The following CNNM2 variants were observed in gnomAD, a reference collection of about 807,000 sequenced individuals.
CNNM2 encodes cyclin and CBS domain divalent metal cation transport mediator 2, also known as metal transporter CNNM2.
Under a neutral mutation model 66.9 loss-of-function variants are expected in CNNM2, and 12 were observed. That is an observed-to-expected ratio of 0.18 (90% CI 0.11 to 0.29). The LOEUF is 0.29. Ranked by LOEUF, CNNM2 falls within the 10% of genes least tolerant of loss-of-function variation. The pLI, the probability that CNNM2 is intolerant of heterozygous loss-of-function variation, is 1.00. For missense variants in CNNM2, 705 were observed against 1,167.7 expected (o/e 0.60, Z 5.77); for synonymous variants, 557 against 501.8 (o/e 1.11, Z -1.47).
At position 103,060,935 on chromosome 10, in the gene CNNM2, A is replaced by G. The variant is rs188631609; in HGVS notation, c.2073+3971A>G. Among the ~76,000 whole-genome samples the G allele has an allele frequency of 2.3e-3, 343 of 152,340 alleles. 4 individuals carry two copies. The highest frequency in any genetic ancestry group is 7.8e-3 in the African/African-American group (325 of 41,588). ...AAACATATAGAATGTAATAAAATAT[A>G]TATAGTATTACCATAAAAGTCTATT... On this transcript the variant is annotated intron_variant, in intron 4 of 7. Coordinates refer to ENST00000369878, the MANE Select transcript of CNNM2 (RefSeq NM_017649.5).
In CNNM2 at chr10:102,956,288, CAAAAAAA is replaced by C. The variant is rs371126297; in HGVS notation, c.1621+36201_1621+36207del. ...GGGCAATAAGAGCAAGATTCCATCT[CAAAAAAA>C]AAAAAAAAAAAAAGTCAGGAAACAA... On this transcript the variant is annotated intron_variant, in intron 1 of 7. Transcript: ENST00000369878. 9.5e-5 allele frequency among the ~76,000 whole-genome samples: 7 copies of C among 74,046 alleles called. No homozygotes were observed. In the Admixed American group the frequency reaches 9.7e-4, roughly 10 times the overall value. The allele number at this position is 74,046 out of a possible 152,430, so 48.6% of individuals were successfully genotyped here.
chr10:102,964,080 T>A (rs1202687094), intron 1 of CNNM2, among the ~76,000 whole-genome samples: 3 of 152,198 alleles, frequency 2.0e-5, no homozygotes, highest in African/African-American at 4.8e-5. Context: ...TTAGAGTGCC[T>A]TAATGGTTTT....
chr10:103,034,013 AT>A lies in CNNM2; in HGVS notation c.1622-15683del, dbSNP rs998732852. Among the ~76,000 whole-genome samples the A allele has an allele frequency of 1.0e-3, 152 of 147,118 alleles. 1 individual carries two copies. The highest frequency in any genetic ancestry group is 6.9e-3 in the Middle Eastern group (2 of 288). On this transcript the variant is annotated intron_variant, in intron 1 of 7. Coordinates refer to ENST00000369878, the MANE Select transcript of CNNM2 (RefSeq NM_017649.5). ...GACCTTGAAATATTTTCACCCTTTC[AT>A]TTTTTTTTTTGAAGTTTATCATATG...
intron 4 of CNNM2, chr10:103,068,403 A>G (rs189773665): frequency 6.4e-6 from 3 of 465,476 alleles, no homozygotes; most frequent in East Asian, 3.3e-5. Context: ...AAAAATAAAC[A>G]TCACATTTAC....
intron 1 of CNNM2, among the ~76,000 whole-genome samples, chr10:102,950,979 CT>C (rs1590297477): frequency 1.5e-5 from 2 of 129,158 alleles, no homozygotes; most frequent in East Asian, 4.9e-4. Context: ...TTCTTTCTTT[CT>C]CTTTTTTTTT....
At chr10:103,032,921 C>T (rs1393926916) in intron 1 of CNNM2, among the ~76,000 whole-genome samples, 3 of 151,316 alleles carry the variant, frequency 2.0e-5, no homozygotes, top group African/African-American at 4.8e-5. Flanking sequence ...AGTTTGAGAC[C>T]AGCCTGGGCA....
chr10:102,935,208 G>A (rs1162354993), intron 1 of CNNM2, among the ~76,000 whole-genome samples: 1 of 149,442 alleles, frequency 6.7e-6, no homozygotes, highest in East Asian at 2.0e-4. Context: ...ATGGTGGCCT[G>A]TAATCCTAGC....
chr10:103,069,581 A>G (rs1419534275), intron 5 of CNNM2, among the ~76,000 whole-genome samples: 2 of 152,162 alleles, frequency 1.3e-5, no homozygotes, highest in African/African-American at 4.8e-5. Flanking sequence ...CGAGTCAGCC[A>G]GTTAAGGGTG....
At chr10:102,960,074 T>A (rs966498985) in intron 1 of CNNM2, among the ~76,000 whole-genome samples, 3 of 151,218 alleles carry the variant, frequency 2.0e-5, no homozygotes, top group African/African-American at 7.3e-5. Context: ...AATAAATAAA[T>A]AAATAAATAA....
rs112876520 is a variant in CNNM2, at chr10:103,072,435, A to G, written c.2233+596A>G. Among the ~76,000 whole-genome samples the G allele has an allele frequency of 0.015, 2,296 of 151,666 alleles. 61 individuals carry two copies. Among genetic ancestry groups the G allele is most frequent in the African/African-American group, 0.05 (2,071 of 41,344 alleles). On this transcript the variant is annotated intron_variant, in intron 6 of 7. Transcript: ENST00000369878. ...GCCCTACTTCTCCCCACCACCAGGC[A>G]GGCGACCCCGCTTCTCCCCACCACC...
At chr10:102,962,560 C>G (rs370410533) in intron 1 of CNNM2, among the ~76,000 whole-genome samples, 14 of 152,140 alleles carry the variant, frequency 9.2e-5, no homozygotes, top group African/African-American at 3.1e-4. Flanking sequence ...AGAAACAATT[C>G]AAATGTTCAA....
intron 1 of CNNM2, among the ~76,000 whole-genome samples, chr10:102,998,131 G>A (rs1235505473): frequency 6.6e-6 from 1 of 152,098 alleles, no homozygotes; most frequent in African/African-American, 2.4e-5. Flanking sequence ...TGTAAAAGCA[G>A]GATTAGTCCC....
intron 1 of CNNM2, among the ~76,000 whole-genome samples, chr10:102,925,325 A>AAAAAAAAAAAT (rs1845821224): frequency 6.6e-6 from 1 of 150,564 alleles, no homozygotes; most frequent in Non-Finnish European, 1.5e-5. Flanking sequence ...AAAAAAAAAA[A>AAAAAAAAAAAT]AGATTTACTT....
chr10:103,024,330 G>T (rs747370868), intron 1 of CNNM2, among the ~76,000 whole-genome samples: 3 of 151,840 alleles, frequency 2.0e-5, no homozygotes, highest in Non-Finnish European at 4.4e-5. Context: ...TTGTTATATT[G>T]GTTTCATTTA....
At position 102,918,468 on chromosome 10, in the gene CNNM2, G is replaced by C; in HGVS notation, c.-13G>C. 4.4e-6 allele frequency: 7 copies of C among 1,602,184 alleles called. No individual in the cohort carries two copies. Among genetic ancestry groups the C allele is most frequent in the East Asian group, 2.3e-5 (1 of 44,370 alleles). ...GGTTGAAAGGATGAAGCCGCAGCTGGAGCAGCCACCCTATGATTGGCTGTG... is the reference window on the plus strand; with the variant it reads ...GGTTGAAAGGATGAAGCCGCAGCTGCAGCAGCCACCCTATGATTGGCTGTG... On this transcript the variant is annotated 5_prime_UTR_variant, in exon 1 of 8. Coordinates refer to ENST00000369878, the MANE Select transcript of CNNM2 (RefSeq NM_017649.5). This position sits in a 1 kb window ranked among gnomAD's most constrained non-coding sequence, Gnocchi z 4.1.
rs531454208 is a variant in CNNM2, at chr10:103,085,850, G to A, written c.*8670G>A. 11 of 152,312 alleles carry A rather than the reference G, an allele frequency of 7.2e-5. No homozygotes were observed. The South Asian group carries it at 1.4e-3, about 20-fold the overall frequency. The allele number at this position is 152,312 out of a possible 1,614,324, so 9.4% of individuals were successfully genotyped here. On this transcript the variant is annotated 3_prime_UTR_variant, in exon 8 of 8. Transcript: ENST00000369878. ...ATGAATCAGACTGTTGTGGCCTTGG[G>A]ATGAAGACATTGTGTGTGAGGACAG...
chr10:102,932,747 G>A (rs566361393), intron 1 of CNNM2, among the ~76,000 whole-genome samples: 12 of 151,746 alleles, frequency 7.9e-5, no homozygotes, highest in South Asian at 2.1e-4. Flanking sequence ...GTGAAACCCC[G>A]TCTCTACTAA....
chr10:102,928,591 A>T (rs1241221369), intron 1 of CNNM2, among the ~76,000 whole-genome samples: 1 of 152,096 alleles, frequency 6.6e-6, no homozygotes, highest in Non-Finnish European at 1.5e-5. Context: ...TCAAAAAAAA[A>T]AAAAAAAAGA....
At chr10:103,009,229 C>G (rs546324883) in intron 1 of CNNM2, among the ~76,000 whole-genome samples, 356 of 152,170 alleles carry the variant, frequency 2.3e-3, no homozygotes, top group African/African-American at 7.5e-3. Flanking sequence ...GGGCCAAGAT[C>G]ACACCATTGC....
Sources: gnomAD v4.1 joint callset for allele counts (sites outside exome capture counted in the v4.1 genomes callset) on GRCh38, gnomAD v4.1.1 for gene constraint, Gnocchi (gnomAD v3.1) non-coding constraint, MANE v1.5 for transcripts, NCBI Gene and HGNC (gene_info 2026-07-23, HGNC 2026-07-21) for gene names.